CX3CR1: variants seen among roughly 807,000 people sequenced by gnomAD.
The protein encoded by CX3CR1 is C-X3-C motif chemokine receptor 1, also known as CX3C chemokine receptor 1.
For synonymous variants in CX3CR1, 168 were observed against 178.5 expected (o/e 0.94, Z 0.47); for missense variants, 363 against 432.4 (o/e 0.84, Z 1.42).
intron 1 of CX3CR1, among the ~76,000 whole-genome samples, chr3:39,272,755 G>A (rs1450561321): frequency 6.6e-6 from 1 of 152,198 alleles, no homozygotes; most frequent in Admixed American, 6.5e-5. Context: ...TACCAAATGA[G>A]AGTAGAGAAT....
chr3:39,271,233 A>C (rs1211284185), intron 1 of CX3CR1, among the ~76,000 whole-genome samples: 1 of 152,202 alleles, frequency 6.6e-6, no homozygotes, highest in African/African-American at 2.4e-5. Flanking sequence ...CCTTTGTTCC[A>C]AAGAGTTTCA....
chr3:39,285,087 C>A (rs919370571), upstream of CX3CR1, among the ~76,000 whole-genome samples: 8 of 151,692 alleles, frequency 5.3e-5, no homozygotes, highest in African/African-American at 1.7e-4. Flanking sequence ...AATTAGAGGC[C>A]AATAGAAAAT....
At chr3:39,287,757 C>A in the CX3CR1 span, 1 of 152,144 alleles carries the variant, frequency 6.6e-6, no homozygotes, top group Non-Finnish European at 1.5e-5. Flanking sequence ...TACCCACATG[C>A]AAAAGAGGCT....
At chr3:39,278,585 T>TGGCTCAA (rs2040864344) in intron 1 of CX3CR1, among the ~76,000 whole-genome samples, 1 of 152,196 alleles carries the variant, frequency 6.6e-6, no homozygotes, top group Non-Finnish European at 1.5e-5. Flanking sequence ...TTCCTTTTTT[T>TGGCTCAA]TTGGCTCAAT....
At chr3:39,285,735 A>G (rs2040938637), upstream of CX3CR1, among the ~76,000 whole-genome samples, 3 of 152,246 alleles carry the variant, frequency 2.0e-5, no homozygotes, top group Admixed American at 2.0e-4. Flanking sequence ...TGTTTCCATT[A>G]AAGTGGAACT....
Position 39,279,449 on chromosome 3 carries a change from C to T in CX3CR1, c.-10+505G>A, listed in dbSNP as rs984640608. ...AAAGCAACTTTTCAAATAAAAGCAG[C>T]GAGAACCTCCTTATACCCAACACCT... On this transcript the variant is annotated intron_variant, in intron 1 of 1. Coordinates refer to ENST00000399220, the MANE Select transcript of CX3CR1 (RefSeq NM_001337.4). Among the ~76,000 whole-genome samples, 6 of 152,180 alleles carry T rather than the reference C, an allele frequency of 3.9e-5. No homozygotes were observed. The East Asian group carries it at 9.7e-4, about 24-fold the overall frequency.
chr3:39,275,310 A>T (rs770817263), intron 1 of CX3CR1, among the ~76,000 whole-genome samples: 11 of 152,200 alleles, frequency 7.2e-5, no homozygotes, highest in Admixed American at 1.3e-4. Flanking sequence ...CCTAAGGGAG[A>T]TAGTGCTTCT....
the CX3CR1 span, among the ~76,000 whole-genome samples, chr3:39,288,226 C>G: frequency 3.3e-5 from 5 of 152,194 alleles, no homozygotes; most frequent in Admixed American, 2.0e-4. Context: ...GTAATTGCCG[C>G]TATTATGTGT....
Position 39,265,683 on chromosome 3 carries a change from C to T in CX3CR1, c.827G>A (p.Ser276Asn). Residue 276 changes from serine (S) to asparagine (N), a missense_variant, in exon 2 of 2, where the codon AGT becomes AAT. Coordinates refer to ENST00000399220, the MANE Select transcript of CX3CR1 (RefSeq NM_001337.4). ...DMRKDLRLAL[S>N]VTETVAFSHC... is the part of the protein sequence containing the mutation. Reference sequence around the variant, plus strand: ...GCTAAATGCAACCGTCTCAGTCACACTGAGGGCCAGCCTCAGATCCTTCCT... The same window carrying T: ...GCTAAATGCAACCGTCTCAGTCACATTGAGGGCCAGCCTCAGATCCTTCCT... 6.2e-7 allele frequency: 1 copy of T among 1,614,178 alleles called. No homozygotes were observed. Among genetic ancestry groups the T allele is most frequent in the Non-Finnish European group, 8.5e-7 (1 of 1,180,032 alleles).
upstream of CX3CR1, among the ~76,000 whole-genome samples, chr3:39,281,991 C>T (rs527827565): frequency 6.6e-6 from 1 of 152,260 alleles, no homozygotes; most frequent in Middle Eastern, 3.4e-3. Flanking sequence ...TGGATAGATA[C>T]CTGTGAATGT....
intron 1 of CX3CR1, among the ~76,000 whole-genome samples, chr3:39,269,753 G>A (rs1028425388): frequency 6.6e-6 from 1 of 152,170 alleles, no homozygotes; most frequent in Non-Finnish European, 1.5e-5. Flanking sequence ...CCCCAGTGAA[G>A]ACCCTAGAAT....
At chr3:39,291,426 A>C in the CX3CR1 span, among the ~76,000 whole-genome samples, 1 of 151,634 alleles carries the variant, frequency 6.6e-6, no homozygotes, top group South Asian at 2.1e-4. Flanking sequence ...GTGACCATAC[A>C]TGTGACCATA....
chr3:39,265,826 T>C lies in CX3CR1; in HGVS notation c.684A>G (p.Lys228=). 1 of 1,614,186 alleles carries C rather than the reference T, an allele frequency of 6.2e-7. No homozygotes were observed. Among genetic ancestry groups the C allele is most frequent in the Non-Finnish European group, 8.5e-7 (1 of 1,180,012 alleles). The change falls in exon 2 of 2, where the codon AAA becomes AAG. Residue 228 remains lysine, a synonymous_variant. Coordinates refer to ENST00000399220, the MANE Select transcript of CX3CR1 (RefSeq NM_001337.4). ...LFSCKNHKKA[K]AIKLILLVVI... is the part of the protein sequence containing the mutation. ...CCACCAGAAGGATCAGTTTAATGGC[T>C]TTGGCTTTCTTGTGGTTCTTGCAGG...
chr3:39,292,607 C>CA, the CX3CR1 span, among the ~76,000 whole-genome samples: 7 of 152,278 alleles, frequency 4.6e-5, no homozygotes, highest in South Asian at 1.2e-3. Context: ...TTACCATGTG[C>CA]CAGGACCTGT....
upstream of CX3CR1, among the ~76,000 whole-genome samples, chr3:39,282,928 G>A (rs2040916649): frequency 6.6e-6 from 1 of 152,136 alleles, no homozygotes; most frequent in African/African-American, 2.4e-5. Flanking sequence ...GTCTGGCTCT[G>A]TTATCCAGGC....
intron 1 of CX3CR1, among the ~76,000 whole-genome samples, chr3:39,272,022 C>T (rs929075101): frequency 6.6e-6 from 1 of 152,178 alleles, no homozygotes; most frequent in Non-Finnish European, 1.5e-5. Flanking sequence ...TGGACCATGG[C>T]TTTCCTTTGT....
chr3:39,281,573 C>A (rs752951534), upstream of CX3CR1: 1 of 1,571,864 alleles, frequency 6.4e-7, no homozygotes, highest in East Asian at 2.2e-5. Context: ...GCCCATCTAA[C>A]CTTCTCCGTT....
chr3:39,283,831 ATATATATAT>A, upstream of CX3CR1, among the ~76,000 whole-genome samples: 1 of 126,830 alleles, frequency 7.9e-6, no homozygotes, highest in South Asian at 2.7e-4. Flanking sequence ...ATATATATAT[ATATATATAT>A]AATGTGGTTA....
At chr3:39,288,538 C>A in the CX3CR1 span, among the ~76,000 whole-genome samples, 2 of 146,636 alleles carry the variant, frequency 1.4e-5, no homozygotes, top group African/African-American at 5.5e-5. Context: ...CACCAGCAAC[C>A]CCCAGGTCCA....
Sources: allele counts gnomAD v4.1 joint callset (sites outside exome capture counted in the v4.1 genomes callset), GRCh38; gene constraint gnomAD v4.1.1; transcripts MANE v1.5; gene names NCBI Gene and HGNC (gene_info 2026-07-23, HGNC 2026-07-21).